ESR1: variants seen among roughly 807,000 people sequenced by gnomAD.
ESR1 encodes the protein estrogen receptor 1.
Under a neutral mutation model 52.7 loss-of-function variants are expected in ESR1, and 12 were observed. The ratio of observed to expected loss-of-function variants is 0.23; its 90% confidence interval spans 0.15 to 0.37. The LOEUF (loss-of-function observed/expected upper bound fraction) is 0.37, where lower values mean the gene tolerates loss of function less well. ESR1 is among the 10% of genes least tolerant of loss of function. The pLI, the probability that ESR1 is intolerant of heterozygous loss-of-function variation, is 1.00. For missense variants in ESR1, 584 were observed against 779.7 expected, an observed-to-expected ratio of 0.75 and a Z score of 2.99; for synonymous variants, 305 against 316.8, an observed-to-expected ratio of 0.96 and a Z score of 0.39.
At chr6:151,836,865 C>G (rs1425979422) in intron 1 of ESR1, among the ~76,000 whole-genome samples, 4 of 152,162 alleles carry the variant, frequency 2.6e-5, no homozygotes, top group Non-Finnish European at 5.9e-5. Context: ...TTTAGCTTTA[C>G]AGAAATATTT....
At chr6:151,709,191 T>C (rs891673685) in intron 2 of ESR1, among the ~76,000 whole-genome samples, 2 of 152,150 alleles carry the variant, frequency 1.3e-5, no homozygotes, top group African/African-American at 4.8e-5. Flanking sequence ...GTCTATGAGA[T>C]CAACCTTTTT....
intron 5 of ESR1, among the ~76,000 whole-genome samples, chr6:152,020,599 C>T (rs551590353): frequency 7.9e-5 from 12 of 152,076 alleles, no homozygotes; most frequent in Non-Finnish European, 1.5e-4. Flanking sequence ...TACACGCATG[C>T]GCCATCATGC....
chr6:151,783,365 C>A (rs1786728331), intron 2 of ESR1, among the ~76,000 whole-genome samples: 1 of 152,170 alleles, frequency 6.6e-6, no homozygotes, highest in South Asian at 2.1e-4. Flanking sequence ...GAGACAGGTT[C>A]TTAAGTTCCA....
chr6:151,858,911 T>C (rs1583734839), intron 2 of ESR1, among the ~76,000 whole-genome samples: 1 of 152,234 alleles, frequency 6.6e-6, no homozygotes, highest in African/African-American at 2.4e-5. Flanking sequence ...GTAGAGGCTG[T>C]TCCCTTCTTT....
rs1172203372 is a variant in ESR1 at position 152,053,841 on chromosome 6, C to G, written c.1236-7150C>G. On this transcript the variant is annotated intron_variant, in intron 5 of 7. Coordinates refer to ENST00000206249, the MANE Select transcript of ESR1 (RefSeq NM_000125.4). The surrounding 1 kb of genome is among the most constrained non-coding windows in gnomAD (Gnocchi z 4.1). Reference sequence around the variant, plus strand: ...AGTAAAAGGTTAAATGTTTACACCCCTTGATTCTGCTATTGTATGTGTAAG... The same window carrying G: ...AGTAAAAGGTTAAATGTTTACACCCGTTGATTCTGCTATTGTATGTGTAAG... 6.6e-6 allele frequency among the ~76,000 whole-genome samples: 1 copy of G among 152,120 alleles called. No individual in the cohort carries two copies. Among genetic ancestry groups the G allele is most frequent in the East Asian group, 1.9e-4 (1 of 5,194 alleles).
At chr6:152,009,322 A>G (rs1244723578) in intron 4 of ESR1, among the ~76,000 whole-genome samples, 1 of 152,090 alleles carries the variant, frequency 6.6e-6, no homozygotes, top group Non-Finnish European at 1.5e-5. Flanking sequence ...GGAAGGTGCA[A>G]TAAATTTAAA....
At chr6:151,915,307 T>A (rs907084746) in intron 3 of ESR1, among the ~76,000 whole-genome samples, 1 of 152,248 alleles carries the variant, frequency 6.6e-6, no homozygotes, top group Non-Finnish European at 1.5e-5. Flanking sequence ...GAATTCTGCT[T>A]ATTAATTTCT....
intron 1 of ESR1, among the ~76,000 whole-genome samples, chr6:151,822,605 C>G (rs544087552): frequency 2.0e-5 from 3 of 152,148 alleles, no homozygotes; most frequent in Non-Finnish European, 4.4e-5. Context: ...CTAAACCTTT[C>G]TAATTGAATC....
At chr6:152,051,989 G>A (rs1399529955) in intron 5 of ESR1, among the ~76,000 whole-genome samples, 1 of 152,136 alleles carries the variant, frequency 6.6e-6, no homozygotes, top group East Asian at 1.9e-4. Flanking sequence ...AATACCTGAT[G>A]CCAGGTAATT....
intron 2 of ESR1, among the ~76,000 whole-genome samples, chr6:151,854,179 A>C (rs1295537780): frequency 6.6e-6 from 1 of 152,226 alleles, no homozygotes; most frequent in East Asian, 1.9e-4. Flanking sequence ...CTATGTCAGC[A>C]CTATATAGGT....
At chr6:151,937,797 A>T (rs947066253) in intron 3 of ESR1, among the ~76,000 whole-genome samples, 6 of 152,324 alleles carry the variant, frequency 3.9e-5, no homozygotes, top group Admixed American at 2.0e-4. Context: ...ATTGTGGTAC[A>T]GAGACTTTGG....
chr6:151,766,624 C>T (rs1374347269), intron 2 of ESR1, among the ~76,000 whole-genome samples: 1 of 151,856 alleles, frequency 6.6e-6, no homozygotes, highest in Non-Finnish European at 1.5e-5. Context: ...AGCTTGAATA[C>T]TATGGCAAGT....
In ESR1 at chr6:151,728,349, A is replaced by G. The variant is rs183729942; in HGVS notation, c.-71+26344A>G. Among the ~76,000 whole-genome samples the G allele has an allele frequency of 2.3e-3, 343 of 152,330 alleles. 2 individuals are homozygous for G. Among genetic ancestry groups the G allele is most frequent in the Non-Finnish European group, 3.9e-3 (266 of 68,034 alleles). Reference sequence around the variant, plus strand: ...GTGAATATGAGAAAGAAGAAAGTTCACTCTGACATCCTGTAAATGGAAAAT... The same window carrying G: ...GTGAATATGAGAAAGAAGAAAGTTCGCTCTGACATCCTGTAAATGGAAAAT... On this transcript the variant is annotated intron_variant, in intron 2 of 2. Coordinates refer to the ESR1 transcript ENST00000404742.
At chr6:152,014,543 C>G (rs1052991088) in intron 5 of ESR1, among the ~76,000 whole-genome samples, 1 of 152,144 alleles carries the variant, frequency 6.6e-6, no homozygotes, top group African/African-American at 2.4e-5. Context: ...TCTTTTCTGT[C>G]TTGGTGACAT....
In ESR1 at chr6:151,880,882, G is replaced by T. The variant is rs9340847; in HGVS notation, c.760+111G>T. 8.1e-4 allele frequency: 542 copies of T among 670,912 alleles called. 3 individuals carry two copies. In the African/African-American group the frequency reaches 9.2e-3, roughly 11 times the overall value. 41.6% of individuals were successfully genotyped at this position (670,912 alleles called of 1,614,324 possible). A position where few individuals can be genotyped will look rare whatever the true frequency, so the allele number is the denominator to read the frequency against. ...AATTTTGTGTTTTTTTCTTTTAATT[G>T]TTTTTTTTCTATTCTTATTTTTCTT... On this transcript the variant is annotated intron_variant, in intron 3 of 7. Coordinates refer to ENST00000206249, the MANE Select transcript of ESR1 (RefSeq NM_000125.4).
chr6:151,812,325 C>CG (rs1213601276), intron 1 of ESR1, among the ~76,000 whole-genome samples: 22 of 152,206 alleles, frequency 1.4e-4, no homozygotes, highest in African/African-American at 5.3e-4. Flanking sequence ...TGGGAAATAA[C>CG]AGATTTAAGT....
chr6:151,947,761 C>A (rs564144244), intron 4 of ESR1, among the ~76,000 whole-genome samples: 7 of 152,062 alleles, frequency 4.6e-5, no homozygotes. Context: ...TTCTGGTAGA[C>A]CTGGATAAAG....
At chr6:151,898,390 T>TC (rs1334805024) in intron 3 of ESR1, among the ~76,000 whole-genome samples, 1 of 151,776 alleles carries the variant, frequency 6.6e-6, no homozygotes, top group Admixed American at 6.6e-5. Flanking sequence ...GTTCATTTTT[T>TC]TTTTTTTTTC....
chr6:152,085,614 T>A (rs1213750276), intron 6 of ESR1, among the ~76,000 whole-genome samples: 1 of 152,064 alleles, frequency 6.6e-6, no homozygotes, highest in Non-Finnish European at 1.5e-5. Context: ...GCTGGAGCTG[T>A]CAACTGGGAG....
Sources: gnomAD v4.1 joint callset for allele counts (sites outside exome capture counted in the v4.1 genomes callset) on GRCh38, gnomAD v4.1.1 for gene constraint, Gnocchi (gnomAD v3.1) non-coding constraint, MANE v1.5 for transcripts, NCBI Gene and HGNC (gene_info 2026-07-23, HGNC 2026-07-21) for gene names.